The following TNK2 variants were observed in gnomAD, a reference collection of about 807,000 sequenced individuals.
TNK2 encodes the protein tyrosine kinase non receptor 2.
In TNK2, 83 loss-of-function variants were observed where a neutral mutation model predicts 101.8. That is an observed-to-expected ratio of 0.82 (90% CI 0.68 to 0.98). TNK2 has a LOEUF of 0.98. Among genes scored for constraint, TNK2 ranks in the 50% least tolerant of loss-of-function variants. The pLI, the probability that TNK2 is intolerant of heterozygous loss-of-function variation, is 0.00. For missense variants in TNK2, 1,665 were observed against 1,483.2 expected, an observed-to-expected ratio of 1.12 and a Z score of -2.01; for synonymous variants, 804 against 633.0, an observed-to-expected ratio of 1.27 and a Z score of -4.06.
At chr3:195,879,284 A>G in intron 6 of TNK2, 109 bp from the exon 7 acceptor site, 1 of 1,523,548 alleles carries the variant, frequency 6.6e-7, no homozygotes, top group Non-Finnish European at 8.8e-7. Context: ...CCCCTGTGCC[A>G]GGTTCAACAG....
At chr3:195,901,536 G>C (rs1172227953) in intron 1 of TNK2, among the ~76,000 whole-genome samples, 1 of 152,090 alleles carries the variant, frequency 6.6e-6, no homozygotes, top group Non-Finnish European at 1.5e-5. Flanking sequence ...AGGAGGAAGA[G>C]AGGGACCAGG....
In TNK2 at chr3:195,888,249, A is replaced by T. The variant is rs1756980051; in HGVS notation, c.163+177T>A. ...AAGGCCTCACTCTCCTCAAACTCCAATTCACCTTTATAACTGCCAACTGTT... is the reference window on the plus strand; with the variant it reads ...AAGGCCTCACTCTCCTCAAACTCCATTTCACCTTTATAACTGCCAACTGTT... On this transcript the variant is annotated intron_variant, in intron 2 of 15. Transcript: ENST00000672887. The surrounding 1 kb of genome is among the most constrained non-coding windows in gnomAD (Gnocchi z 5.3). 6.6e-6 allele frequency among the ~76,000 whole-genome samples: 1 copy of T among 152,050 alleles called. No homozygotes were observed. The highest frequency in any genetic ancestry group is 6.5e-5 in the Admixed American group (1 of 15,272).
At position 195,866,886 on chromosome 3, in the gene TNK2, C is replaced by T; in HGVS notation, c.3161+3G>A. On this transcript the variant is annotated splice_donor_region_variant and intron_variant, in intron 15 of 15. Transcript: ENST00000672887. ...AGCGGGGCAGACTGTGGGGCTCACTCACTTGTGGTGGGCAGGGCCCCAGGA... is the reference window on the plus strand; with the variant it reads ...AGCGGGGCAGACTGTGGGGCTCACTTACTTGTGGTGGGCAGGGCCCCAGGA... 1 of 1,609,932 alleles carries T rather than the reference C, an allele frequency of 6.2e-7. No homozygotes were observed. The highest frequency in any genetic ancestry group is 8.5e-7 in the Non-Finnish European group (1 of 1,178,696).
intron 1 of TNK2, among the ~76,000 whole-genome samples, chr3:195,898,406 A>G (rs925846027): frequency 1.3e-5 from 2 of 152,152 alleles, no homozygotes; most frequent in South Asian, 2.1e-4. Flanking sequence ...TCCCCATCAT[A>G]AAACTGTCAT....
chr3:195,869,412 C>T lies in TNK2; in HGVS notation c.1588+85G>A, dbSNP rs377325518. Reference sequence around the variant, plus strand: ...CCACCCACCTCCCCTCCGGCCCAGCCGCCCAGGCTCTGTACCTTCCAGGAG... The same window carrying T: ...CCACCCACCTCCCCTCCGGCCCAGCTGCCCAGGCTCTGTACCTTCCAGGAG... On this transcript the variant is annotated intron_variant, in intron 12 of 15. Transcript: ENST00000672887. 58 of 1,444,902 alleles carry T rather than the reference C, an allele frequency of 4.0e-5. No individual in the cohort carries two copies. The African/African-American group carries it at 5.2e-4, about 13-fold the overall frequency. 89.5% of individuals were successfully genotyped at this position (1,444,902 alleles called of 1,614,324 possible).
rs1336754260 is a variant in TNK2, at chr3:195,872,479, CAG to C, written c.1257-11_1257-10del. ...ACCAGTAGTTCTCGGCCCTGCGCGA[CAG>C]AGATGGCACGGTGAACGCCAGGCGT... is the stretch of plus-strand genomic sequence containing the variant. On this transcript the variant is annotated splice_polypyrimidine_tract_variant and intron_variant, in intron 9 of 15. Coordinates refer to ENST00000672887, the MANE Select transcript of TNK2 (RefSeq NM_001382273.1). 8 of 1,571,704 alleles carry C rather than the reference CAG, an allele frequency of 5.1e-6. No individual in the cohort carries two copies. Among genetic ancestry groups the C allele is most frequent in the East Asian group, 2.3e-5 (1 of 44,208 alleles).
intron 1 of TNK2, among the ~76,000 whole-genome samples, chr3:195,899,764 A>G (rs925541207): frequency 6.6e-6 from 1 of 152,180 alleles, no homozygotes; most frequent in Admixed American, 6.5e-5. Context: ...TGTACATCGT[A>G]AGGGAACCAT....
chr3:195,869,385 A>AGCCCCCCCCCAC, intron 12 of TNK2, 112 bp downstream of exon 12: 1 of 893,002 alleles, frequency 1.1e-6, no homozygotes, highest in Non-Finnish European at 1.8e-6. Context: ...CACAGCACAC[A>AGCCCCCCCCCAC]CCCACCCACC....
chr3:195,903,711 C>T (rs1372039827), intron 1 of TNK2, among the ~76,000 whole-genome samples: 1 of 151,872 alleles, frequency 6.6e-6, no homozygotes, highest in East Asian at 1.9e-4. Flanking sequence ...GCATGAAACT[C>T]CATCTCAAAA....
chr3:195,870,771 G>C (rs1386416515), intron 10 of TNK2, among the ~76,000 whole-genome samples: 1 of 152,248 alleles, frequency 6.6e-6, no homozygotes, highest in East Asian at 1.9e-4. Flanking sequence ...CATGCCAGGA[G>C]TGGGGCAGAG....
chr3:195,891,618 G>A (rs959137046), intron 1 of TNK2, among the ~76,000 whole-genome samples: 20 of 152,044 alleles, frequency 1.3e-4, no homozygotes, highest in Admixed American at 7.9e-4. Flanking sequence ...CTCTCCACCC[G>A]GCCACGGCCA....
At chr3:195,883,342 C>T in intron 4 of TNK2, 33 bp from the exon 5 acceptor site, 2 of 1,609,454 alleles carry the variant, frequency 1.2e-6, no homozygotes, top group Non-Finnish European at 1.7e-6. Context: ...GGACTCAGGA[C>T]TTGCCAGGTC....
At position 195,867,608 on chromosome 3, in the gene TNK2, G is replaced by A. The variant is rs1490825822; in HGVS notation, c.2690C>T (p.Pro897Leu). Residue 897 changes from proline to leucine, a missense_variant, in exon 13 of 16, where the codon CCC (proline) becomes CTC (leucine). By Grantham distance (98) the Pro-to-Leu change is moderately conservative. Around this residue, in one of 3 missense-constraint regions of TNK2, gnomAD observed 1,136 missense variants for 894.9 expected, o/e 1.27. Transcript: ENST00000672887. ...CACAGGCAGGGGGGTAGGCTCCTCG[G>A]GGCTCTGGGCCTCACGCAGGAAGCG... ...YQRFLREAQSPEEPTPLPVPL... is the reference protein window; with the variant it reads ...YQRFLREAQSLEEPTPLPVPL... 1.2e-5 allele frequency: 19 copies of A among 1,596,738 alleles called. No individual in the cohort carries two copies. The highest frequency in any genetic ancestry group is 1.7e-5 in the Admixed American group (1 of 59,642).
chr3:195,905,797 A>C (rs950027674), intron 1 of TNK2, among the ~76,000 whole-genome samples: 2 of 152,248 alleles, frequency 1.3e-5, no homozygotes, highest in African/African-American at 2.4e-5. Flanking sequence ...TAGTAAATTA[A>C]TCAAAATTTA....
intron 9 of TNK2, among the ~76,000 whole-genome samples, chr3:195,877,446 G>C (rs1750043440): frequency 6.6e-6 from 1 of 152,200 alleles, no homozygotes; most frequent in Non-Finnish European, 1.5e-5. Context: ...GCAGGTGGAA[G>C]AGGCTCCCTG....
chr3:195,895,376 G>A (rs752867936), intron 1 of TNK2: 4 of 1,554,310 alleles, frequency 2.6e-6, no homozygotes, highest in Non-Finnish European at 3.5e-6. Context: ...GGCACCGGCA[G>A]CGTCACTGCC....
chr3:195,880,020 C>T (rs371124742), intron 6 of TNK2, among the ~76,000 whole-genome samples: 2 of 152,136 alleles, frequency 1.3e-5, no homozygotes, highest in Non-Finnish European at 2.9e-5. Flanking sequence ...GCCAGCTGCT[C>T]GTTAAGATGA....
intron 15 of TNK2, 28 bp from the exon 16 acceptor site, chr3:195,864,215 T>C (rs1739004098): frequency 6.8e-6 from 11 of 1,613,628 alleles, no homozygotes; most frequent in Non-Finnish European, 9.3e-6. Context: ...ACCAGCACAG[T>C]TAAACAGTTT....
chr3:195,868,944 C>CCTCGCTCCGT (rs1560479745), intron 12 of TNK2: 1 of 558,410 alleles, frequency 1.8e-6, no homozygotes, highest in Admixed American at 3.6e-5. Context: ...GTGAGCCCCG[C>CCTCGCTCCGT]CTCGCTCCGT....
Sources: allele counts gnomAD v4.1 joint callset (sites outside exome capture counted in the v4.1 genomes callset), GRCh38; gene constraint gnomAD v4.1.1; regional missense constraint gnomAD v4.1.1; non-coding constraint Gnocchi (gnomAD v3.1); transcripts MANE v1.5; gene names NCBI Gene and HGNC (gene_info 2026-07-23, HGNC 2026-07-21).